Variants in PPP2R2A observed in about 807,000 individuals in gnomAD.
PPP2R2A encodes the protein serine/threonine-protein phosphatase 2A 55 kDa regulatory subunit B alpha isoform.
Under a neutral mutation model 53.2 loss-of-function variants are expected in PPP2R2A, and 9 were observed. The ratio of observed to expected loss-of-function variants is 0.17; its 90% CI spans 0.10 to 0.30. PPP2R2A has a LOEUF of 0.30. Ranked by LOEUF, PPP2R2A falls within the 10% of genes least tolerant of loss-of-function variation. The probability of loss-of-function intolerance (pLI) is 1.00; values close to 1 mark genes in which losing one functional copy is unlikely to be tolerated. For synonymous variants in PPP2R2A, 169 were observed against 174.2 expected, an observed-to-expected ratio of 0.97 and a Z score of 0.23; for missense variants, 235 against 534.6, an observed-to-expected ratio of 0.44 and a Z score of 5.53.
intron 2 of PPP2R2A, among the ~76,000 whole-genome samples, chr8:26,320,438 A>G (rs2117264458): frequency 6.6e-6 from 1 of 152,174 alleles, no homozygotes; most frequent in Non-Finnish European, 1.5e-5. Context: ...GATGTAGGGA[A>G]CGTTTTTTTA....
At chr8:26,353,655 TTC>T (rs1208807101) in intron 3 of PPP2R2A, among the ~76,000 whole-genome samples, 1 of 152,266 alleles carries the variant, frequency 6.6e-6, no homozygotes. Flanking sequence ...ATGATTATAA[TTC>T]TCACTTTTGC....
intron 2 of PPP2R2A, among the ~76,000 whole-genome samples, chr8:26,308,719 GAT>G (rs1802135757): frequency 6.6e-6 from 1 of 152,102 alleles, no homozygotes; most frequent in Non-Finnish European, 1.5e-5. Flanking sequence ...TGTCAATGTT[GAT>G]ATTTTGACAT....
At position 26,311,593 on chromosome 8, in the gene PPP2R2A, C is replaced by A. The variant is rs189551069; in HGVS notation, c.82+17853C>A. Among the ~76,000 whole-genome samples the A allele has an allele frequency of 3.9e-5, 6 of 152,222 alleles. No individual in the cohort carries two copies. In the East Asian group the frequency reaches 1.2e-3, roughly 29 times the overall value. ...CTGAGGTGAGAGGAGCACTTGAAGCCACGAGTTCAAAGCTGTTGTGCACAG... is the reference window on the plus strand; with the variant it reads ...CTGAGGTGAGAGGAGCACTTGAAGCAACGAGTTCAAAGCTGTTGTGCACAG... On this transcript the variant is annotated intron_variant, in intron 2 of 9. Coordinates refer to ENST00000380737, the MANE Select transcript of PPP2R2A (RefSeq NM_002717.4).
chr8:26,306,629 T>C (rs767563309), intron 2 of PPP2R2A, among the ~76,000 whole-genome samples: 1 of 152,148 alleles, frequency 6.6e-6, no homozygotes. Context: ...ACGTCTGTTT[T>C]ACAAACCAAA....
At chr8:26,340,116 C>T (rs1563309343) in intron 3 of PPP2R2A, 1 of 151,790 alleles carries the variant, frequency 6.6e-6, no homozygotes, top group South Asian at 2.1e-4. Context: ...AGAATGGTCT[C>T]GTGGGAAGTG....
intron 7 of PPP2R2A, chr8:26,363,506 T>C (rs1805222802): frequency 2.4e-6 from 1 of 419,226 alleles, no homozygotes; most frequent in Non-Finnish European, 4.2e-6. Flanking sequence ...TGACTGGAAG[T>C]ATACTGCATA....
chr8:26,359,801 A>G (rs999098966), intron 4 of PPP2R2A, among the ~76,000 whole-genome samples: 1 of 152,144 alleles, frequency 6.6e-6, no homozygotes, highest in African/African-American at 2.4e-5. Flanking sequence ...TAAATTTTTT[A>G]AAATTCAGTA....
intron 1 of PPP2R2A, chr8:26,293,242 C>T: frequency 6.5e-7 from 1 of 1,535,818 alleles, no homozygotes; most frequent in Admixed American, 2.0e-5. Context: ...CTTACCCAGG[C>T]AGTAATGTTC....
At chr8:26,323,217 TTTCCC>T (rs1429990742) in intron 2 of PPP2R2A, among the ~76,000 whole-genome samples, 1 of 152,220 alleles carries the variant, frequency 6.6e-6, no homozygotes, top group Non-Finnish European at 1.5e-5. Flanking sequence ...TATATCTCCT[TTTCCC>T]TAATCTGCTG....
intron 2 of PPP2R2A, among the ~76,000 whole-genome samples, chr8:26,325,956 CCCA>C (rs1250768544): frequency 2.6e-5 from 4 of 152,168 alleles, no homozygotes; most frequent in Non-Finnish European, 5.9e-5. Context: ...TCATCTCAGC[CCCA>C]CAAGTAACTG....
rs1001562656 is a variant in PPP2R2A, at chr8:26,321,895, C to A, written c.83-16995C>A. Among the ~76,000 whole-genome samples the A allele has an allele frequency of 1.3e-5, 2 of 152,190 alleles. No homozygotes were observed. Among genetic ancestry groups the A allele is most frequent in the African/African-American group, 4.8e-5 (2 of 41,434 alleles). On this transcript the variant is annotated intron_variant, in intron 2 of 9. Transcript: ENST00000380737. The surrounding 1 kb of genome is among the most constrained non-coding windows in gnomAD (Gnocchi z 4.1). ...TAGGAAGTAACAATGTCAACATTTC[C>A]CCTCCTCGGTCTAAGATTTGAACTT...
intron 2 of PPP2R2A, among the ~76,000 whole-genome samples, chr8:26,297,601 A>G (rs1801599364): frequency 6.6e-6 from 1 of 152,184 alleles, no homozygotes; most frequent in African/African-American, 2.4e-5. Flanking sequence ...ACATGGTTTG[A>G]ATCTTGCTCA....
chr8:26,333,881 C>T (rs901478809), intron 2 of PPP2R2A, among the ~76,000 whole-genome samples: 1 of 152,162 alleles, frequency 6.6e-6, no homozygotes, highest in South Asian at 2.1e-4. Flanking sequence ...AAGAGTGAAA[C>T]CTGCCTGGGT....
chr8:26,369,120 A>T (rs1320252693), intron 9 of PPP2R2A, among the ~76,000 whole-genome samples: 3 of 151,662 alleles, frequency 2.0e-5, no homozygotes, highest in Non-Finnish European at 4.4e-5. Context: ...AAAAAAAAAA[A>T]TTATACACAC....
At chr8:26,313,266 C>G (rs558803943) in intron 2 of PPP2R2A, among the ~76,000 whole-genome samples, 2 of 152,056 alleles carry the variant, frequency 1.3e-5, no homozygotes, top group Non-Finnish European at 2.9e-5. Context: ...AACCCCTGAC[C>G]TCAGGTGGTT....
Position 26,370,258 on chromosome 8 carries a change from G to A in PPP2R2A, c.1189G>A (p.Val397Ile). 6.2e-7 allele frequency: 1 copy of A among 1,614,160 alleles called. No individual in the cohort carries two copies. Among genetic ancestry groups the A allele is most frequent in the Non-Finnish European group, 8.5e-7 (1 of 1,180,022 alleles). ...KPRTVLKPRK[V>I]CASGKRKKDE... ...TCGCACAGTTCTGAAGCCTCGCAAAGTCTGTGCAAGTGGCAAGCGAAAGAA... is the reference window on the plus strand; with the variant it reads ...TCGCACAGTTCTGAAGCCTCGCAAAATCTGTGCAAGTGGCAAGCGAAAGAA... The change falls in exon 10 of 10, where the codon GTC (valine) becomes ATC (isoleucine). Residue 397 changes from valine to isoleucine, a missense_variant. By Grantham distance (29) the Val-to-Ile change is conservative. This residue lies in a region of PPP2R2A where 181 missense variants were observed against 409.9 expected (regional missense o/e 0.44). Coordinates refer to ENST00000380737, the MANE Select transcript of PPP2R2A (RefSeq NM_002717.4). The surrounding 1 kb of genome is among the most constrained non-coding windows in gnomAD (Gnocchi z 6.1).
chr8:26,323,145 G>A (rs191608928), intron 2 of PPP2R2A, among the ~76,000 whole-genome samples: 1 of 152,234 alleles, frequency 6.6e-6, no homozygotes, highest in Non-Finnish European at 1.5e-5. Flanking sequence ...TTATTCACTA[G>A]GAAATCACAT....
At chr8:26,336,998 G>A (rs1011035197) in intron 2 of PPP2R2A, among the ~76,000 whole-genome samples, 3 of 152,038 alleles carry the variant, frequency 2.0e-5, no homozygotes, top group Non-Finnish European at 4.4e-5. Context: ...AGTGATAGTT[G>A]TAACAGCTCA....
intron 2 of PPP2R2A, among the ~76,000 whole-genome samples, chr8:26,324,435 C>T (rs1377985086): frequency 2.0e-5 from 3 of 152,212 alleles, no homozygotes; most frequent in East Asian, 1.9e-4. Context: ...ACAGCTTCCA[C>T]GTGGTGTTGA....
Sources: gnomAD v4.1 joint callset for allele counts (sites outside exome capture counted in the v4.1 genomes callset) on GRCh38, gnomAD v4.1.1 for gene constraint, gnomAD v4.1.1 regional missense constraint, Gnocchi (gnomAD v3.1) non-coding constraint, MANE v1.5 for transcripts, NCBI Gene and HGNC (gene_info 2026-07-23, HGNC 2026-07-21) for gene names.